Variants in CNTNAP2 observed in about 807,000 individuals in gnomAD.
CNTNAP2 encodes contactin-associated protein-like 2.
In CNTNAP2, 98 loss-of-function variants were observed where a neutral mutation model predicts 155.2. The ratio of observed to expected loss-of-function variants is 0.63; its 90% CI spans 0.54 to 0.75. The LOEUF (loss-of-function observed/expected upper bound fraction) is 0.75. CNTNAP2 is among the 30% of genes least tolerant of loss of function. The pLI, the probability that CNTNAP2 is intolerant of heterozygous loss-of-function variation, is 0.00. For synonymous variants in CNTNAP2, 651 were observed against 631.2 expected, an observed-to-expected ratio of 1.03 and a Z score of -0.47; for missense variants, 1,727 against 1,688.1, an observed-to-expected ratio of 1.02 and a Z score of -0.40.
At chr7:147,466,299 G>A (rs549536286) in intron 10 of CNTNAP2, among the ~76,000 whole-genome samples, 47 of 152,302 alleles carry the variant, frequency 3.1e-4, no homozygotes, top group African/African-American at 1.1e-3. Flanking sequence ...CTCTGGAATG[G>A]AGGTTTTATG....
chr7:147,817,942 G>A (rs1052974437), intron 13 of CNTNAP2, among the ~76,000 whole-genome samples: 44 of 150,878 alleles, frequency 2.9e-4, no homozygotes, highest in African/African-American at 1.0e-3. Context: ...AAAAAATTAA[G>A]CAGATGTGGC....
intron 13 of CNTNAP2, among the ~76,000 whole-genome samples, chr7:147,731,431 C>T (rs1796737448): frequency 6.6e-6 from 1 of 151,978 alleles, no homozygotes. Flanking sequence ...GCCCGGAAGA[C>T]AGCACATCTG....
chr7:147,093,015 G>C (rs950511808), intron 4 of CNTNAP2, among the ~76,000 whole-genome samples: 2 of 151,966 alleles, frequency 1.3e-5, no homozygotes, highest in African/African-American at 4.8e-5. Flanking sequence ...GACGTCAGGA[G>C]ATCGAGACCA....
intron 1 of CNTNAP2, among the ~76,000 whole-genome samples, chr7:146,447,839 TA>T (rs1421770718): frequency 6.6e-6 from 1 of 151,532 alleles, no homozygotes; most frequent in Non-Finnish European, 1.5e-5. Flanking sequence ...GGATTGAAAT[TA>T]AATCATATAA....
chr7:146,678,647 AG>A (rs1264961609), intron 1 of CNTNAP2, among the ~76,000 whole-genome samples: 5 of 152,152 alleles, frequency 3.3e-5, no homozygotes, highest in African/African-American at 9.7e-5. Context: ...ACTTTTCAAA[AG>A]TTTATGTGTT....
chr7:146,394,410 C>T (rs1369494320), intron 1 of CNTNAP2, among the ~76,000 whole-genome samples: 2 of 152,088 alleles, frequency 1.3e-5, no homozygotes, highest in Non-Finnish European at 2.9e-5. Flanking sequence ...TCAGTCTATC[C>T]TTTATTACTC....
chr7:148,143,482 G>A (rs765192633), intron 16 of CNTNAP2, among the ~76,000 whole-genome samples: 2 of 152,030 alleles, frequency 1.3e-5, no homozygotes, highest in Non-Finnish European at 1.5e-5. Context: ...ATTTCGAGAT[G>A]AGCCTGGGCA....
In CNTNAP2 at chr7:146,215,842, T is replaced by A. The variant is rs573050047; in HGVS notation, c.97+98869T>A. On this transcript the variant is annotated intron_variant, in intron 1 of 23. Transcript: ENST00000361727. ...AGCTGTTCTCTGCCGTCGGCTGATA[T>A]CGCATTTGCTTTGATAAATAATATT... Among the ~76,000 whole-genome samples, 29 of 152,314 alleles carry A rather than the reference T, an allele frequency of 1.9e-4. 1 individual carries two copies. Among genetic ancestry groups the A allele is most frequent in the African/African-American group, 6.3e-4 (26 of 41,568 alleles).
At chr7:147,213,953 A>G (rs1232026737) in intron 8 of CNTNAP2, among the ~76,000 whole-genome samples, 1 of 152,086 alleles carries the variant, frequency 6.6e-6, no homozygotes, top group Non-Finnish European at 1.5e-5. Flanking sequence ...TTTTGTGCTT[A>G]TCCTCGTCCT....
chr7:146,530,320 G>A (rs1364118601), intron 1 of CNTNAP2, among the ~76,000 whole-genome samples: 2 of 152,082 alleles, frequency 1.3e-5, no homozygotes, highest in African/African-American at 4.8e-5. Context: ...ATAGGACCTG[G>A]CAAAGATTTC....
rs141400790 is a variant in CNTNAP2, at chr7:147,010,863, A to G, written c.403-33044A>G. ...ATGTGATAGGGAATGGAATATTTAC[A>G]TCTTCTAAATGTACCTCCCCCCGCC... On this transcript the variant is annotated intron_variant, in intron 3 of 23. Coordinates refer to ENST00000361727, the MANE Select transcript of CNTNAP2 (RefSeq NM_014141.6). 5.9e-3 allele frequency among the ~76,000 whole-genome samples: 903 copies of G among 152,194 alleles called. 8 individuals are homozygous for G. The highest frequency in any genetic ancestry group is 0.02 in the African/African-American group (816 of 41,544).
chr7:148,284,052 G>C (rs542706752), intron 21 of CNTNAP2, among the ~76,000 whole-genome samples: 1 of 152,280 alleles, frequency 6.6e-6, no homozygotes, highest in Admixed American at 6.5e-5. Context: ...ACAATTGACT[G>C]AATTATTTTT....
At chr7:146,202,249 A>G (rs114966879) in intron 1 of CNTNAP2, among the ~76,000 whole-genome samples, 2,268 of 152,220 alleles carry the variant, frequency 0.015, 64 homozygotes, top group African/African-American at 0.052. Context: ...AACAGTGTAG[A>G]AGAGTTTTTT....
chr7:148,173,172 A>G (rs959940721), intron 18 of CNTNAP2, among the ~76,000 whole-genome samples: 2 of 152,012 alleles, frequency 1.3e-5, no homozygotes, highest in African/African-American at 2.4e-5. Flanking sequence ...ATGCATATGC[A>G]TGTTATCATT....
intron 1 of CNTNAP2, among the ~76,000 whole-genome samples, chr7:146,748,140 TTTC>T (rs1352565281): frequency 0.011 from 1,301 of 119,404 alleles, 9 homozygotes; most frequent in Non-Finnish European, 0.015. Context: ...TTTCTTTTCT[TTTC>T]TTTTTTTTTT....
intron 1 of CNTNAP2, among the ~76,000 whole-genome samples, chr7:146,675,649 G>A (rs1462653807): frequency 6.6e-6 from 1 of 152,114 alleles, no homozygotes; most frequent in Non-Finnish European, 1.5e-5. Flanking sequence ...TACTTTAAGT[G>A]GTTCAAGAGC....
chr7:146,241,137 A>T (rs1799554000), intron 1 of CNTNAP2, among the ~76,000 whole-genome samples: 1 of 152,176 alleles, frequency 6.6e-6, no homozygotes, highest in Non-Finnish European at 1.5e-5. Context: ...TGATCCACTC[A>T]GCTCCCATCA....
chr7:147,535,434 AC>A (rs1390742648), intron 11 of CNTNAP2, among the ~76,000 whole-genome samples: 1 of 152,120 alleles, frequency 6.6e-6, no homozygotes, highest in Non-Finnish European at 1.5e-5. Flanking sequence ...AAAGGTGGCC[AC>A]CAGCTGTGTC....
chr7:146,487,676 T>C (rs1797076878), intron 1 of CNTNAP2, among the ~76,000 whole-genome samples: 1 of 152,138 alleles, frequency 6.6e-6, no homozygotes, highest in Non-Finnish European at 1.5e-5. Context: ...ATGATTGCCA[T>C]AAAGTCTGGG....
Sources: gnomAD v4.1 joint callset for allele counts (sites outside exome capture counted in the v4.1 genomes callset) on GRCh38, gnomAD v4.1.1 for gene constraint, MANE v1.5 for transcripts, NCBI Gene and HGNC (gene_info 2026-07-23, HGNC 2026-07-21) for gene names.